CCDC171: variants seen among roughly 807,000 people sequenced by gnomAD.
The protein encoded by CCDC171 is coiled-coil domain-containing protein 171.
CCDC171 carries 177 observed loss-of-function variants against 168.2 expected under a neutral mutation model. That is an observed-to-expected ratio of 1.05 (90% CI 0.93 to 1.19). The LOEUF (loss-of-function observed/expected upper bound fraction) is 1.19. Among genes scored for constraint, CCDC171 ranks in the 50% most tolerant of loss-of-function variants. The pLI is 0.00. For missense variants in CCDC171, 1,991 were observed against 1,539.0 expected, an observed-to-expected ratio of 1.29 and a Z score of -4.91; for synonymous variants, 687 against 540.8, an observed-to-expected ratio of 1.27 and a Z score of -3.75.
intron 7 of CCDC171, among the ~76,000 whole-genome samples, chr9:15,631,432 T>C (rs1410335014): frequency 9.2e-5 from 14 of 152,304 alleles, no homozygotes; most frequent in Non-Finnish European, 5.9e-5. Flanking sequence ...AAGAAATTGA[T>C]AGATTCTTGG....
intron 25 of CCDC171, among the ~76,000 whole-genome samples, chr9:15,941,907 GC>G (rs1245168245): frequency 6.6e-6 from 1 of 151,770 alleles, no homozygotes; most frequent in Non-Finnish European, 1.5e-5. Context: ...ATTTAAAAAA[GC>G]ACACATTGAC....
chr9:15,837,267 C>T lies in CCDC171; in HGVS notation c.3268-9435C>T, dbSNP rs982398158. ...TATTCCTGACATTTTAAAGCATCAC[C>T]ACTAGATGGCGATCTCGCTCATTTA... On this transcript the variant is annotated intron_variant, in intron 21 of 25. Coordinates refer to ENST00000380701, the MANE Select transcript of CCDC171 (RefSeq NM_173550.4). Among the ~76,000 whole-genome samples, 4 of 152,110 alleles carry T rather than the reference C, an allele frequency of 2.6e-5. No individual in the cohort carries two copies. The South Asian group carries it at 6.2e-4, about 24-fold the overall frequency.
At chr9:15,691,821 G>T (rs893555992) in intron 10 of CCDC171, among the ~76,000 whole-genome samples, 1 of 151,910 alleles carries the variant, frequency 6.6e-6, no homozygotes, top group African/African-American at 2.4e-5. Flanking sequence ...GGACCTACAG[G>T]CATGTGCCAC....
At chr9:15,596,455 A>C (rs2042366094) in intron 6 of CCDC171, among the ~76,000 whole-genome samples, 1 of 152,142 alleles carries the variant, frequency 6.6e-6, no homozygotes, top group African/African-American at 2.4e-5. Context: ...AGATGGTTGT[A>C]GATGTGTGCT....
At chr9:15,826,439 G>T (rs1288184196) in intron 21 of CCDC171, among the ~76,000 whole-genome samples, 1 of 152,052 alleles carries the variant, frequency 6.6e-6, no homozygotes, top group Non-Finnish European at 1.5e-5. Flanking sequence ...TCAAGATGTG[G>T]AGTCTATTTC....
At chr9:15,792,492 G>A (rs1279333572) in intron 21 of CCDC171, among the ~76,000 whole-genome samples, 6 of 152,210 alleles carry the variant, frequency 3.9e-5, no homozygotes, top group Admixed American at 1.3e-4. Context: ...GATACTCCTT[G>A]AGAAGAGCTA....
intron 21 of CCDC171, among the ~76,000 whole-genome samples, chr9:15,787,700 A>G (rs907088860): frequency 5.3e-5 from 8 of 152,310 alleles, no homozygotes; most frequent in South Asian, 2.1e-4. Flanking sequence ...CATGTTATCA[A>G]TTGGCCTACA....
intron 21 of CCDC171, among the ~76,000 whole-genome samples, chr9:15,785,589 A>T (rs1289299317): frequency 6.6e-6 from 1 of 152,106 alleles, no homozygotes; most frequent in African/African-American, 2.4e-5. Flanking sequence ...TAAAACACTT[A>T]GGTACTCCTC....
upstream of CCDC171, among the ~76,000 whole-genome samples, chr9:16,039,246 T>C (rs1272230009): frequency 6.6e-6 from 1 of 152,198 alleles, no homozygotes; most frequent in Non-Finnish European, 1.5e-5. Flanking sequence ...CTCTGACCTT[T>C]GCTGTCACCT....
At chr9:15,646,307 A>C (rs572487018) in intron 7 of CCDC171, among the ~76,000 whole-genome samples, 1 of 152,346 alleles carries the variant, frequency 6.6e-6, no homozygotes, top group East Asian at 1.9e-4. Flanking sequence ...CAAATTGTAA[A>C]GACCATCCAT....
At chr9:15,748,253 A>G (rs2134740632) in intron 18 of CCDC171, among the ~76,000 whole-genome samples, 1 of 152,324 alleles carries the variant, frequency 6.6e-6, no homozygotes, top group South Asian at 2.1e-4. Flanking sequence ...ATGAAATAAA[A>G]CGAGAAGACA....
At chr9:15,763,959 C>T (rs1250391722) in intron 18 of CCDC171, among the ~76,000 whole-genome samples, 2 of 151,986 alleles carry the variant, frequency 1.3e-5, no homozygotes, top group Non-Finnish European at 2.9e-5. Context: ...GGTTGTAAGC[C>T]TGTGTTTTGC....
chr9:15,676,718 A>C (rs922458124), intron 9 of CCDC171, among the ~76,000 whole-genome samples: 1 of 152,086 alleles, frequency 6.6e-6, no homozygotes, highest in Admixed American at 6.6e-5. Context: ...TTATCAGAGG[A>C]AAATTTAAAA....
intron 4 of CCDC171, among the ~76,000 whole-genome samples, chr9:15,589,368 C>T (rs202025725): frequency 1.3e-5 from 2 of 152,204 alleles, no homozygotes; most frequent in Non-Finnish European, 2.9e-5. Flanking sequence ...TCCAATGACA[C>T]CACTGAGATG....
chr9:15,902,178 T>C (rs1199803093), intron 24 of CCDC171, among the ~76,000 whole-genome samples: 1 of 151,420 alleles, frequency 6.6e-6, no homozygotes, highest in East Asian at 1.9e-4. Context: ...CATTGTAAAA[T>C]AGTTGTTTGG....
intron 21 of CCDC171, among the ~76,000 whole-genome samples, chr9:15,822,227 A>C (rs1349936358): frequency 1.3e-5 from 2 of 152,086 alleles, no homozygotes; most frequent in Admixed American, 1.3e-4. Flanking sequence ...AACCATAAAA[A>C]CCCTAGAAGA....
intron 18 of CCDC171, among the ~76,000 whole-genome samples, chr9:15,752,301 T>TGGTG (rs2055804060): frequency 6.6e-6 from 1 of 152,156 alleles, no homozygotes; most frequent in Non-Finnish European, 1.5e-5. Context: ...GTTACACTGT[T>TGGTG]GGTGGGAGTG....
chr9:15,904,135 A>G (rs1383851374), intron 24 of CCDC171, among the ~76,000 whole-genome samples: 1 of 152,232 alleles, frequency 6.6e-6, no homozygotes, highest in East Asian at 1.9e-4. Context: ...TCCCCAATCT[A>G]GCAAGACAGG....
intron 25 of CCDC171, among the ~76,000 whole-genome samples, chr9:15,949,430 G>A (rs1348686775): frequency 2.6e-5 from 4 of 152,074 alleles, no homozygotes; most frequent in South Asian, 2.1e-4. Flanking sequence ...CCATTTTCAC[G>A]ATATTGATTC....
Sources: allele counts gnomAD v4.1 joint callset (sites outside exome capture counted in the v4.1 genomes callset), GRCh38; gene constraint gnomAD v4.1.1; transcripts MANE v1.5; gene names NCBI Gene and HGNC (gene_info 2026-07-23, HGNC 2026-07-21).